ZNF169: variants seen among roughly 807,000 people sequenced by gnomAD.
ZNF169 encodes the protein zinc finger protein 169.
A neutral mutation model predicts 12.0 loss-of-function variants in ZNF169; 11 were observed. The ratio of observed to expected loss-of-function variants is 0.92; its 90% CI spans 0.58 to 1.52. The LOEUF is 1.52. Ranked by LOEUF, ZNF169 falls within the 40% of genes most tolerant of loss-of-function variation. The probability of loss-of-function intolerance (pLI) is 0.00; values close to 1 mark genes in which losing one functional copy is unlikely to be tolerated. For synonymous variants in ZNF169, 302 were observed against 286.5 expected (o/e 1.05, Z -0.55); for missense variants, 722 against 744.0 (o/e 0.97, Z 0.34).
chr9:94,290,686 C>T (rs1021681377), intron 2 of ZNF169, among the ~76,000 whole-genome samples: 4 of 152,130 alleles, frequency 2.6e-5, no homozygotes, highest in South Asian at 4.2e-4. Flanking sequence ...GATAAACATT[C>T]AAGTTGTTTC....
chr9:94,289,047 G>A (rs1471293072), intron 2 of ZNF169, among the ~76,000 whole-genome samples: 1 of 152,120 alleles, frequency 6.6e-6, no homozygotes, highest in African/African-American at 2.4e-5. Context: ...GGAAAATTAT[G>A]TTTTTAAACA....
At chr9:94,291,095 C>T (rs1280218560) in intron 2 of ZNF169, among the ~76,000 whole-genome samples, 1 of 125,038 alleles carries the variant, frequency 8.0e-6, no homozygotes, top group Non-Finnish European at 1.6e-5. Context: ...TGCTCTGTTG[C>T]CCAGGCTGGA....
chr9:94,268,967 T>C (rs1830342000), intron 1 of ZNF169, among the ~76,000 whole-genome samples: 1 of 151,532 alleles, frequency 6.6e-6, no homozygotes, highest in Admixed American at 6.6e-5. Context: ...AACAAAAACA[T>C]GAAGGCCTTT....
chr9:94,277,419 T>A (rs1830542814), intron 1 of ZNF169, among the ~76,000 whole-genome samples: 1 of 152,118 alleles, frequency 6.6e-6, no homozygotes, highest in East Asian at 1.9e-4. Context: ...CTCTATAGAA[T>A]ATGGATTTTT....
chr9:94,297,191 C>T (rs750450641), intron 4 of ZNF169, among the ~76,000 whole-genome samples: 1 of 152,032 alleles, frequency 6.6e-6, no homozygotes, highest in African/African-American at 2.4e-5. Flanking sequence ...TGATTGGGAT[C>T]GAGTTGAATC....
At chr9:94,288,695 C>T in intron 2 of ZNF169, 1 of 327,530 alleles carries the variant, frequency 3.1e-6, no homozygotes, top group Non-Finnish European at 5.9e-6. Flanking sequence ...CCCTCTTGCT[C>T]ACTTTTTCTC....
chr9:94,297,158 A>G (rs916481778), intron 4 of ZNF169, among the ~76,000 whole-genome samples: 9 of 149,900 alleles, frequency 6.0e-5, no homozygotes, highest in African/African-American at 2.3e-4. Flanking sequence ...GTCAGTTTTT[A>G]ACAAAAATGC....
At chr9:94,297,029 A>G (rs1424628773) in intron 4 of ZNF169, among the ~76,000 whole-genome samples, 2 of 152,148 alleles carry the variant, frequency 1.3e-5, no homozygotes, top group Non-Finnish European at 2.9e-5. Context: ...CCCAGGCAAC[A>G]GTGCGAGACT....
At chr9:94,276,669 G>A (rs965572328) in intron 1 of ZNF169, among the ~76,000 whole-genome samples, 27 of 152,302 alleles carry the variant, frequency 1.8e-4, no homozygotes, top group Admixed American at 3.3e-4. Flanking sequence ...GATTATAGGC[G>A]TGATCCATCG....
chr9:94,277,351 T>C (rs1381353557), intron 1 of ZNF169, among the ~76,000 whole-genome samples: 3 of 152,170 alleles, frequency 2.0e-5, no homozygotes, highest in African/African-American at 7.2e-5. Context: ...TGGCTCTTAG[T>C]TGATTATATC....
chr9:94,283,796 C>T (rs1302314136), intron 2 of ZNF169, among the ~76,000 whole-genome samples: 5 of 151,826 alleles, frequency 3.3e-5, no homozygotes, highest in African/African-American at 1.2e-4. Context: ...AGGCCGGGTG[C>T]GGTGGCTCAC....
Position 94,288,438 on chromosome 9 carries a change from T to C in ZNF169, c.34-3903T>C, listed in dbSNP as rs1309420585. On this transcript the variant is annotated intron_variant, in intron 2 of 4. Coordinates refer to ENST00000395395, the MANE Select transcript of ZNF169 (RefSeq NM_194320.4). ...CTGAGCCTGAGCTTGTAAATTCCAA[T>C]CCATTCTTCTCTTTTGTTTTCAAAT... 5.3e-6 allele frequency: 6 copies of C among 1,131,780 alleles called. 1 individual carries two copies. The South Asian group carries it at 7.4e-5, about 14-fold the overall frequency. The allele number at this position is 1,131,780 out of a possible 1,614,324, so 70.1% of individuals were successfully genotyped here.
rs181938969 is a variant in ZNF169 at position 94,278,417 on chromosome 9, T to C, written c.-55-341T>C. ...ACAGTAAATATGGATGGGATGCTTT[T>C]GTTTTCAGTATGATGAGGCATTTTA... On this transcript the variant is annotated intron_variant, in intron 1 of 4. Coordinates refer to ENST00000395395, the MANE Select transcript of ZNF169 (RefSeq NM_194320.4). Among the ~76,000 whole-genome samples the C allele has an allele frequency of 3.8e-3, 575 of 152,328 alleles. 7 individuals are homozygous for C. The highest frequency in any genetic ancestry group is 0.013 in the African/African-American group (547 of 41,574).
chr9:94,283,568 TGAGA>T (rs1429602847), intron 2 of ZNF169, among the ~76,000 whole-genome samples: 1 of 152,048 alleles, frequency 6.6e-6, no homozygotes, highest in Non-Finnish European at 1.5e-5. Flanking sequence ...TGCTTAGTGG[TGAGA>T]GAGTACTATA....
chr9:94,263,840 T>G (rs1257456921), intron 1 of ZNF169, among the ~76,000 whole-genome samples: 1 of 152,136 alleles, frequency 6.6e-6, no homozygotes, highest in Non-Finnish European at 1.5e-5. Flanking sequence ...GAATTTTTTT[T>G]TTTTTTTAGC....
At chr9:94,269,366 A>G (rs1830351728) in intron 1 of ZNF169, among the ~76,000 whole-genome samples, 2 of 152,176 alleles carry the variant, frequency 1.3e-5, no homozygotes, top group East Asian at 1.9e-4. Flanking sequence ...CTGACATACT[A>G]TCTGGGCAAC....
chr9:94,273,284 T>C (rs991077208), intron 1 of ZNF169, among the ~76,000 whole-genome samples: 1 of 151,870 alleles, frequency 6.6e-6, no homozygotes, highest in African/African-American at 2.4e-5. Context: ...ATTCCAGAAA[T>C]CATTGTCAAG....
intron 2 of ZNF169, among the ~76,000 whole-genome samples, chr9:94,284,480 A>AT (rs1830688994): frequency 6.6e-6 from 1 of 152,134 alleles, no homozygotes; most frequent in South Asian, 2.1e-4. Context: ...CCAGGTAGCA[A>AT]TTTTTTTATA....
At chr9:94,268,913 GA>G (rs1830340207) in intron 1 of ZNF169, among the ~76,000 whole-genome samples, 1 of 151,886 alleles carries the variant, frequency 6.6e-6, no homozygotes, top group East Asian at 1.9e-4. Flanking sequence ...CAACAGAGAA[GA>G]AAAAACTTTT....
Sources: gnomAD v4.1 joint callset for allele counts (sites outside exome capture counted in the v4.1 genomes callset) on GRCh38, gnomAD v4.1.1 for gene constraint, MANE v1.5 for transcripts, NCBI Gene and HGNC (gene_info 2026-07-23, HGNC 2026-07-21) for gene names.